SHISA9: variants seen among roughly 807,000 people sequenced by gnomAD.
The protein encoded by SHISA9 is protein shisa-9.
In SHISA9, 13 loss-of-function variants were observed where a neutral mutation model predicts 38.0. That is an observed-to-expected ratio of 0.34 (90% CI 0.22 to 0.54). The LOEUF (loss-of-function observed/expected upper bound fraction) is 0.54, where lower values mean the gene tolerates loss of function less well. Among genes scored for constraint, SHISA9 ranks in the 20% least tolerant of loss-of-function variants. The pLI is 0.91. For missense variants in SHISA9, 538 were observed against 575.8 expected (o/e 0.93, Z 0.67); for synonymous variants, 275 against 242.0 (o/e 1.14, Z -1.27).
chr16:13,035,649 GC>G (rs999400531), intron 2 of SHISA9, among the ~76,000 whole-genome samples: 7 of 152,006 alleles, frequency 4.6e-5, no homozygotes, highest in African/African-American at 1.7e-4. Context: ...TCCTGTCTCA[GC>G]CTCTCAAGTA....
At chr16:13,096,477 G>T (rs1482962459) in intron 2 of SHISA9, among the ~76,000 whole-genome samples, 1 of 152,192 alleles carries the variant, frequency 6.6e-6, no homozygotes, top group African/African-American at 2.4e-5. Context: ...CAACCTAGCT[G>T]GGGCTGGGGG....
the SHISA9 span, among the ~76,000 whole-genome samples, chr16:13,499,242 G>T: frequency 1.3e-4 from 20 of 152,284 alleles, no homozygotes; most frequent in East Asian, 2.9e-3. Context: ...AGTTGGGCAG[G>T]AACAAGAAAA....
At chr16:13,019,895 CTTTCTTTCTTTCTTT>C (rs2072819550) in intron 2 of SHISA9, among the ~76,000 whole-genome samples, 1 of 20,584 alleles carries the variant, frequency 4.9e-5, no homozygotes, top group African/African-American at 1.4e-4. Flanking sequence ...TTCTTTCTTT[CTTTCTTTCTTTCTTT>C]CTTTCTTTCT....
At chr16:13,482,851 A>T in the SHISA9 span, among the ~76,000 whole-genome samples, 1 of 150,822 alleles carries the variant, frequency 6.6e-6, no homozygotes, top group Non-Finnish European at 1.5e-5. Context: ...TCACCGAGTC[A>T]GTAGGAGCAG....
chr16:13,340,869 C>T, the SHISA9 span, among the ~76,000 whole-genome samples: 9 of 152,172 alleles, frequency 5.9e-5, no homozygotes, highest in African/African-American at 2.2e-4. Flanking sequence ...AGCCCACTCT[C>T]CACTCCACTC....
chr16:13,170,126 C>G (rs1305951018), intron 2 of SHISA9, among the ~76,000 whole-genome samples: 1 of 150,152 alleles, frequency 6.7e-6, no homozygotes, highest in Non-Finnish European at 1.5e-5. Flanking sequence ...TCGCTTGAAC[C>G]TGGGAGGTGG....
chr16:13,387,358 G>T, the SHISA9 span, among the ~76,000 whole-genome samples: 2 of 152,126 alleles, frequency 1.3e-5, no homozygotes, highest in Admixed American at 1.3e-4. Context: ...GGGAAATTTG[G>T]ACTCAGAGAC....
chr16:13,380,195 T>C, the SHISA9 span, among the ~76,000 whole-genome samples: 224 of 151,880 alleles, frequency 1.5e-3, no homozygotes, highest in Middle Eastern at 6.8e-3. Flanking sequence ...GGAAAGAAAA[T>C]TATCAAAGAA....
chr16:13,558,688 T>C, the SHISA9 span, among the ~76,000 whole-genome samples: 1 of 152,200 alleles, frequency 6.6e-6, no homozygotes, highest in Non-Finnish European at 1.5e-5. Context: ...AGGTAGCACT[T>C]CCACACTTTA....
At chr16:13,418,360 A>G in the SHISA9 span, among the ~76,000 whole-genome samples, 1 of 152,176 alleles carries the variant, frequency 6.6e-6, no homozygotes, top group Non-Finnish European at 1.5e-5. Flanking sequence ...TGTCTAGGGT[A>G]ATGAAGGCTG....
chr16:12,959,985 T>C (rs1171449890), intron 2 of SHISA9, among the ~76,000 whole-genome samples: 1 of 152,250 alleles, frequency 6.6e-6, no homozygotes, highest in Non-Finnish European at 1.5e-5. Context: ...CCTTCAGGAA[T>C]AGGAATTATG....
chr16:13,429,760 C>T, the SHISA9 span, among the ~76,000 whole-genome samples: 1 of 152,086 alleles, frequency 6.6e-6, no homozygotes, highest in African/African-American at 2.4e-5. Context: ...ATTGAATGTG[C>T]TTGGTTATTT....
At chr16:13,522,069 T>A in the SHISA9 span, among the ~76,000 whole-genome samples, 1 of 152,204 alleles carries the variant, frequency 6.6e-6, no homozygotes, top group South Asian at 2.1e-4. Flanking sequence ...GAAGTTCGAA[T>A]TCCCCACACT....
chr16:12,955,013 T>C (rs1398317993), intron 2 of SHISA9, among the ~76,000 whole-genome samples: 1 of 152,130 alleles, frequency 6.6e-6, no homozygotes, highest in African/African-American at 2.4e-5. Context: ...CAGGGTTATC[T>C]CCTTTTAATA....
chr16:12,996,851 T>C (rs979959063), intron 2 of SHISA9, among the ~76,000 whole-genome samples: 1 of 152,132 alleles, frequency 6.6e-6, no homozygotes, highest in Non-Finnish European at 1.5e-5. Flanking sequence ...CTAAGAAAAT[T>C]CGAAAAAGAT....
intron 2 of SHISA9, among the ~76,000 whole-genome samples, chr16:12,929,959 G>T (rs903960113): frequency 2.0e-5 from 3 of 152,008 alleles, no homozygotes; most frequent in Non-Finnish European, 4.4e-5. Context: ...TTATCTTTTT[G>T]GGGGGCCTTA....
intron 2 of SHISA9, among the ~76,000 whole-genome samples, chr16:13,189,145 A>G (rs576433542): frequency 1.3e-5 from 2 of 152,260 alleles, no homozygotes; most frequent in African/African-American, 4.8e-5. Flanking sequence ...GAGATTATAG[A>G]TATATTTCCA....
intron 2 of SHISA9, among the ~76,000 whole-genome samples, chr16:12,922,764 C>T (rs953071475): frequency 2.8e-4 from 43 of 150,894 alleles, no homozygotes; most frequent in African/African-American, 9.5e-4. Flanking sequence ...AGGTGATCCA[C>T]GTGCCTTAGC....
At chr16:12,964,797 C>T (rs756058336) in intron 2 of SHISA9, among the ~76,000 whole-genome samples, 5 of 152,162 alleles carry the variant, frequency 3.3e-5, no homozygotes, top group African/African-American at 1.2e-4. Context: ...TCTTGTTTCC[C>T]TCCACAGTAA....
Sources: gnomAD v4.1 joint callset for allele counts (sites outside exome capture counted in the v4.1 genomes callset) on GRCh38, gnomAD v4.1.1 for gene constraint, MANE v1.5 for transcripts, NCBI Gene and HGNC (gene_info 2026-07-23, HGNC 2026-07-21) for gene names.